The following GTSF1 variants were observed in gnomAD, a reference collection of about 807,000 sequenced individuals.
The protein encoded by GTSF1 is gametocyte specific factor 1.
Under a neutral mutation model 28.9 loss-of-function variants are expected in GTSF1, and 11 were observed. That is an observed-to-expected ratio of 0.38 (90% CI 0.24 to 0.63). The LOEUF is 0.63. Among genes scored for constraint, GTSF1 ranks in the 30% least tolerant of loss-of-function variants. GTSF1 has a pLI of 0.56. For missense variants in GTSF1, 146 were observed against 201.0 expected (o/e 0.73, Z 1.66); for synonymous variants, 69 against 65.6 (o/e 1.05, Z -0.25).
At chr12:54,464,647 A>AT (rs1353149791) in intron 3 of GTSF1, 4 of 152,522 alleles carry the variant, frequency 2.6e-5, no homozygotes, top group African/African-American at 9.7e-5. Context: ...TTTAGGAATA[A>AT]TTTTTCTTGG....
chr12:54,462,007 C>G, intron 6 of GTSF1, 102 bp downstream of exon 6: 1 of 772,312 alleles, frequency 1.3e-6, no homozygotes, highest in South Asian at 1.6e-5. Flanking sequence ...CATCAAGGAA[C>G]ATCGTTAAAG....
intron 2 of GTSF1, among the ~76,000 whole-genome samples, chr12:54,467,500 A>C (rs1956536777): frequency 6.6e-6 from 1 of 151,814 alleles, no homozygotes; most frequent in Admixed American, 6.6e-5. Context: ...TTTTTAGTAG[A>C]GACGGGGTTT....
At position 54,460,445 on chromosome 12, in the gene GTSF1, T is replaced by C. The variant is rs375525286; in HGVS notation, c.419A>G (p.His140Arg). 27 of 1,613,894 alleles carry C rather than the reference T, an allele frequency of 1.7e-5. No individual in the cohort carries two copies. Among genetic ancestry groups the C allele is most frequent in the African/African-American group, 4.0e-5 (3 of 74,936 alleles). ...CATGCCTGAAGCCAGGTTATTCTTA[T>C]GTTCTGTAACTATGTTGCTCGCAGG... Reference protein sequence around the residue: ...NSPASNIVTEHKNNLASGMRV... With the variant: ...NSPASNIVTERKNNLASGMRV... The change falls in exon 7 of 9, where the codon CAT becomes CGT. Residue 140 changes from histidine (H) to arginine (R), a missense_variant. Transcript: ENST00000305879.
At chr12:54,463,415 T>A in intron 3 of GTSF1, 118 bp from the exon 4 acceptor site, 1 of 850,908 alleles carries the variant, frequency 1.2e-6, no homozygotes. Flanking sequence ...ACTTCTGGCT[T>A]AACTATAACA....
chr12:54,464,882 A>G, intron 3 of GTSF1, 185 bp downstream of exon 3: 1 of 413,268 alleles, frequency 2.4e-6, no homozygotes, highest in Non-Finnish European at 4.4e-6. Context: ...AGAAAACCAA[A>G]ACAAGAAAAA....
At chr12:54,462,803 G>T (rs2120753373) in intron 4 of GTSF1, 78 bp from the exon 5 acceptor site, 2 of 1,131,172 alleles carry the variant, frequency 1.8e-6, no homozygotes, top group Non-Finnish European at 2.6e-6. Context: ...TAGCTTAAAA[G>T]GTTGCAAGGG....
intron 2 of GTSF1, among the ~76,000 whole-genome samples, chr12:54,466,272 T>C (rs998917521): frequency 3.3e-5 from 5 of 152,126 alleles, no homozygotes; most frequent in Non-Finnish European, 7.4e-5. Flanking sequence ...ATGATAAAAG[T>C]GAAATAAGAT....
chr12:54,469,181 C>A (rs1432782309), intron 2 of GTSF1, among the ~76,000 whole-genome samples: 1 of 152,104 alleles, frequency 6.6e-6, no homozygotes, highest in Admixed American at 6.5e-5. Context: ...TGGGTCCAAG[C>A]AATTCTCCTG....
intron 2 of GTSF1, among the ~76,000 whole-genome samples, chr12:54,465,378 G>C (rs1956495500): frequency 6.6e-6 from 1 of 152,148 alleles, no homozygotes; most frequent in Admixed American, 6.6e-5. Context: ...TCAGGGTGAA[G>C]TCTCAGTTTC....
At position 54,465,154 on chromosome 12, in the gene GTSF1, GT is replaced by G; in HGVS notation, c.29del (p.Asp10AlafsTer127). 6.2e-7 allele frequency: 1 copy of G among 1,612,888 alleles called. No homozygotes were observed. Among genetic ancestry groups the G allele is most frequent in the Non-Finnish European group, 8.5e-7 (1 of 1,179,070 alleles). MEETYTDSL[D>X]PEKLLQCPYD... ...AGGGGCATTGCAATAGCTTCTCAGGGTCCAGGGAGTCGGCTGAAAGACAGAA... is the reference window on the plus strand; with the variant it reads ...AGGGGCATTGCAATAGCTTCTCAGGGCCAGGGAGTCGGCTGAAAGACAGAA... On this transcript the variant is annotated frameshift_variant, in exon 3 of 9. Transcript: ENST00000305879. LOFTEE classifies it high-confidence loss of function.
chr12:54,465,058 T>C lies in GTSF1; in HGVS notation c.117+9A>G. 6.2e-7 allele frequency: 1 copy of C among 1,602,872 alleles called. No individual in the cohort carries two copies. Among genetic ancestry groups the C allele is most frequent in the South Asian group, 1.1e-5 (1 of 90,556 alleles). ...CAGGAGGGTGTTAGAGGGCAAATTA[T>C]GACCCTACCTTTCTGCACTTGATAA... On this transcript the variant is annotated intron_variant, in intron 3 of 8. Coordinates refer to ENST00000305879, the MANE Select transcript of GTSF1 (RefSeq NM_144594.3).
At chr12:54,467,750 T>C (rs1956540907) in intron 2 of GTSF1, among the ~76,000 whole-genome samples, 2 of 152,186 alleles carry the variant, frequency 1.3e-5, no homozygotes, top group Admixed American at 1.3e-4. Flanking sequence ...GATTTTCTTA[T>C]TAATGGACAT....
At chr12:54,469,611 C>T (rs1418431858) in intron 2 of GTSF1, among the ~76,000 whole-genome samples, 1 of 148,880 alleles carries the variant, frequency 6.7e-6, no homozygotes, top group Non-Finnish European at 1.5e-5. Flanking sequence ...TCGCTTGAAC[C>T]CAGGAGGCAG....
chr12:54,462,756 G>A (rs747526859), intron 4 of GTSF1, 31 bp from the exon 5 acceptor site: 1 of 1,561,848 alleles, frequency 6.4e-7, no homozygotes, highest in South Asian at 1.1e-5. Flanking sequence ...GATATAAGAG[G>A]GGGATATTGC....
At chr12:54,460,172 A>G (rs1213376086) in intron 7 of GTSF1, among the ~76,000 whole-genome samples, 1 of 152,084 alleles carries the variant, frequency 6.6e-6, no homozygotes, top group East Asian at 1.9e-4. Flanking sequence ...GTGATCTTAT[A>G]CTTTCCTGTT....
At chr12:54,469,352 C>T (rs920951293) in intron 2 of GTSF1, among the ~76,000 whole-genome samples, 2 of 151,988 alleles carry the variant, frequency 1.3e-5, no homozygotes, top group African/African-American at 2.4e-5. Flanking sequence ...GTTGGGATTA[C>T]GGGCCTGAAC....
In GTSF1 at chr12:54,455,994, A is replaced by G. The variant is rs1720051096; in HGVS notation, c.*180T>C. On this transcript the variant is annotated 3_prime_UTR_variant, in exon 9 of 9. Transcript: ENST00000305879. ...AAGGTTTATTTGGAAGCTTCTGAGT[A>G]TGAGGGTTCTTGCATTAAATGAGGA... 1 of 152,636 alleles carries G rather than the reference A, an allele frequency of 6.6e-6. No homozygotes were observed. The highest frequency in any genetic ancestry group is 1.5e-5 in the Non-Finnish European group (1 of 68,036). The allele number at this position is 152,636 out of a possible 1,614,324, so 9.5% of individuals were successfully genotyped here. A position where few individuals can be genotyped will look rare whatever the true frequency, so the allele number is the denominator to read the frequency against.
At chr12:54,462,253 G>C (rs769495879) in intron 5 of GTSF1, 81 bp from the exon 6 acceptor site, 44 of 1,003,070 alleles carry the variant, frequency 4.4e-5, no homozygotes, top group African/African-American at 6.4e-5. Context: ...TTATAAGATG[G>C]GAAATAATAC....
intron 2 of GTSF1, among the ~76,000 whole-genome samples, chr12:54,469,610 C>A (rs1956569058): frequency 6.7e-6 from 1 of 149,100 alleles, no homozygotes; most frequent in Non-Finnish European, 1.5e-5. Context: ...ATCGCTTGAA[C>A]CCAGGAGGCA....
Sources: allele counts gnomAD v4.1 joint callset (sites outside exome capture counted in the v4.1 genomes callset), GRCh38; gene constraint gnomAD v4.1.1; transcripts MANE v1.5; gene names NCBI Gene and HGNC (gene_info 2026-07-23, HGNC 2026-07-21).